STUM: variants seen among roughly 807,000 people sequenced by gnomAD.
The protein encoded by STUM is protein stum homolog.
Under a neutral mutation model 15.3 loss-of-function variants are expected in STUM, and 8 were observed. The ratio of observed to expected loss-of-function variants is 0.52; its 90% CI spans 0.31 to 0.94. The LOEUF (loss-of-function observed/expected upper bound fraction) is 0.94, where lower values mean the gene tolerates loss of function less well. Ranked by LOEUF, STUM falls within the 40% of genes least tolerant of loss-of-function variation. The pLI is 0.05. For missense variants in STUM, 142 were observed against 204.9 expected, an observed-to-expected ratio of 0.69 and a Z score of 1.87; for synonymous variants, 78 against 88.7, an observed-to-expected ratio of 0.88 and a Z score of 0.68.
chr1:226,574,527 G>A (rs1667771543), intron 1 of STUM, among the ~76,000 whole-genome samples: 1 of 152,196 alleles, frequency 6.6e-6, no homozygotes, highest in African/African-American at 2.4e-5. Flanking sequence ...ACTGTGACAG[G>A]GCAATGAGAC....
At chr1:226,597,309 C>G (rs751314135) in intron 2 of STUM, 7 of 525,978 alleles carry the variant, frequency 1.3e-5, no homozygotes, top group Non-Finnish European at 2.7e-5. Context: ...CTCAGTTACC[C>G]TTTCTAAAAT....
rs1323680609 is a variant in STUM, at chr1:226,600,140, A to G, written c.383-526A>G. Among the ~76,000 whole-genome samples the G allele has an allele frequency of 6.6e-6, 1 of 151,932 alleles. No homozygotes were observed. Among genetic ancestry groups the G allele is most frequent in the Non-Finnish European group, 1.5e-5 (1 of 67,978 alleles). On this transcript the variant is annotated intron_variant, in intron 2 of 3. Coordinates refer to ENST00000366788, the MANE Select transcript of STUM (RefSeq NM_001003665.4). The surrounding 1 kb of genome is among the most constrained non-coding windows in gnomAD (Gnocchi z 5.2). ...ATCTGGAGGAAGGCATGAGCTGAGG[A>G]TGAAAAAAAAAAGGCTAGGTGCTGT... is the stretch of plus-strand genomic sequence containing the variant.
In STUM at chr1:226,605,923, G is replaced by C. The variant is rs1310294188; in HGVS notation, c.*3883G>C. On this transcript the variant is annotated 3_prime_UTR_variant, in exon 4 of 4. Transcript: ENST00000366788. The surrounding 1 kb of genome is among the most constrained non-coding windows in gnomAD (Gnocchi z 4.0). ...CAAGTTGCCCGCTCTGCCAGCCAGG[G>C]GCTCCAGCCATGCTGGCACAGGCAT... is the stretch of plus-strand genomic sequence containing the variant. 2.0e-5 allele frequency: 3 copies of C among 152,228 alleles called. No individual in the cohort carries two copies. The highest frequency in any genetic ancestry group is 7.2e-5 in the African/African-American group (3 of 41,444). The allele number at this position is 152,228 out of a possible 1,614,324, so 9.4% of individuals were successfully genotyped here. A position where few individuals can be genotyped will look rare whatever the true frequency, so the allele number is the denominator to read the frequency against.
At chr1:226,578,284 C>T (rs1179051140) in intron 1 of STUM, among the ~76,000 whole-genome samples, 1 of 151,424 alleles carries the variant, frequency 6.6e-6, no homozygotes, top group African/African-American at 2.4e-5. Flanking sequence ...CTATGTTGCC[C>T]AGGCTGGTCT....
At chr1:226,553,690 G>T (rs973426766) in intron 1 of STUM, among the ~76,000 whole-genome samples, 1 of 152,220 alleles carries the variant, frequency 6.6e-6, no homozygotes, top group African/African-American at 2.4e-5. Flanking sequence ...ATGTAAGAAA[G>T]GCTCTAAGCG....
chr1:226,562,338 G>A (rs1667556096), intron 1 of STUM, among the ~76,000 whole-genome samples: 1 of 152,016 alleles, frequency 6.6e-6, no homozygotes. Context: ...GTGTGGTGGT[G>A]CATGCCTGTA....
At chr1:226,561,846 CA>C (rs1667546946) in intron 1 of STUM, among the ~76,000 whole-genome samples, 1 of 152,110 alleles carries the variant, frequency 6.6e-6, no homozygotes, top group Admixed American at 6.5e-5. Flanking sequence ...GTGCAGGAAC[CA>C]GATAGCATCT....
Position 226,600,660 on chromosome 1 carries a change from C to T in STUM, c.383-6C>T. 1 of 1,611,208 alleles carries T rather than the reference C, an allele frequency of 6.2e-7. No homozygotes were observed. The highest frequency in any genetic ancestry group is 8.5e-7 in the Non-Finnish European group (1 of 1,180,012). On this transcript the variant is annotated splice_polypyrimidine_tract_variant and splice_region_variant and intron_variant, in intron 2 of 3. Coordinates refer to ENST00000366788, the MANE Select transcript of STUM (RefSeq NM_001003665.4). This position sits in a 1 kb window ranked among gnomAD's most constrained non-coding sequence, Gnocchi z 5.2. ...TCCTGCTGCCTCCCACTCTGTGCTG[C>T]TGCAGTTTCCCAAGGTGAGTCTGCG...
chr1:226,556,387 C>T (rs1471896362), intron 1 of STUM, among the ~76,000 whole-genome samples: 2 of 152,186 alleles, frequency 1.3e-5, no homozygotes, highest in African/African-American at 2.4e-5. Flanking sequence ...AAGGCAGGCA[C>T]TAATGAATAC....
At chr1:226,597,148 G>A (rs1028956833) in intron 2 of STUM, among the ~76,000 whole-genome samples, 167 bp downstream of exon 2, 2 of 152,206 alleles carry the variant, frequency 1.3e-5, no homozygotes, top group African/African-American at 4.8e-5. Flanking sequence ...GCTTGGCACT[G>A]GGGACCCTCC....
At chr1:226,568,778 C>G (rs1173287085) in intron 1 of STUM, among the ~76,000 whole-genome samples, 2 of 152,282 alleles carry the variant, frequency 1.3e-5, no homozygotes, top group African/African-American at 4.8e-5. Flanking sequence ...AGCTTCGCCC[C>G]TGCGACGTTG....
chr1:226,553,141 A>G (rs1212010004), intron 1 of STUM, among the ~76,000 whole-genome samples: 1 of 152,234 alleles, frequency 6.6e-6, no homozygotes, highest in African/African-American at 2.4e-5. Flanking sequence ...GATTCAGGAA[A>G]CAGTGAATCC....
chr1:226,562,001 TG>T (rs980421976), intron 1 of STUM, among the ~76,000 whole-genome samples: 1 of 40,924 alleles, frequency 2.4e-5, no homozygotes, highest in African/African-American at 9.7e-5. Context: ...GTATGTCGGG[TG>T]GGGGGTGAGG....
At chr1:226,578,451 G>A (rs558525864) in intron 1 of STUM, among the ~76,000 whole-genome samples, 4 of 143,882 alleles carry the variant, frequency 2.8e-5, no homozygotes, top group African/African-American at 7.8e-5. Context: ...TTGCAGCCTC[G>A]ACTGTCTGGG....
rs1227679735 is a variant in STUM, at chr1:226,565,645, G to A, written c.202+16539G>A. Among the ~76,000 whole-genome samples the A allele has an allele frequency of 1.3e-5, 2 of 152,164 alleles. No individual in the cohort carries two copies. Among genetic ancestry groups the A allele is most frequent in the African/African-American group, 2.4e-5 (1 of 41,438 alleles). On this transcript the variant is annotated intron_variant, in intron 1 of 3. Coordinates refer to ENST00000366788, the MANE Select transcript of STUM (RefSeq NM_001003665.4). The surrounding 1 kb of genome is among the most constrained non-coding windows in gnomAD (Gnocchi z 4.4). ...AGATGCCTCAGCTGGGGGAGGGGTG[G>A]AGACTTGAGAAGGTGCTAGGCGTGA...
chr1:226,553,264 G>A (rs1305235681), intron 1 of STUM, among the ~76,000 whole-genome samples: 2 of 152,164 alleles, frequency 1.3e-5, no homozygotes, highest in Non-Finnish European at 2.9e-5. Flanking sequence ...TGACATGAGA[G>A]AAGGACATTC....
At chr1:226,563,407 C>T (rs1164122149) in intron 1 of STUM, among the ~76,000 whole-genome samples, 1 of 152,226 alleles carries the variant, frequency 6.6e-6, no homozygotes, top group African/African-American at 2.4e-5. Context: ...ACTATTAAAA[C>T]CCTAAGGGCA....
At position 226,602,139 on chromosome 1, in the gene STUM, T is replaced by G. The variant is rs1668278796; in HGVS notation, c.*99T>G. 4.6e-6 allele frequency: 4 copies of G among 861,822 alleles called. No homozygotes were observed. Among genetic ancestry groups the G allele is most frequent in the Middle Eastern group, 2.5e-4 (1 of 4,062 alleles). The allele number at this position is 861,822 out of a possible 1,614,324, so 53.4% of individuals were successfully genotyped here. On this transcript the variant is annotated 3_prime_UTR_variant, in exon 4 of 4. Transcript: ENST00000366788. ...CTTTACATGTTCTTTTCTGCCATTT[T>G]CTGGACTGGGGGTGGAAAGGGGGTA... is the stretch of plus-strand genomic sequence containing the variant.
Position 226,604,006 on chromosome 1 carries a change from C to G in STUM, c.*1966C>G, listed in dbSNP as rs1668314492. The G allele has an allele frequency of 6.6e-6, 1 of 152,414 alleles. No individual in the cohort carries two copies. Among genetic ancestry groups the G allele is most frequent in the Non-Finnish European group, 1.5e-5 (1 of 68,238 alleles). The allele number at this position is 152,414 out of a possible 1,614,324, so 9.4% of individuals were successfully genotyped here. A position where few individuals can be genotyped will look rare whatever the true frequency, so the allele number is the denominator to read the frequency against. Reference sequence around the variant, plus strand: ...AAGCTGCGTCAGAGTGGAGCTGCCCCTCTACTCAGATAAAATAGCTTCAGC... The same window carrying G: ...AAGCTGCGTCAGAGTGGAGCTGCCCGTCTACTCAGATAAAATAGCTTCAGC... On this transcript the variant is annotated 3_prime_UTR_variant, in exon 4 of 4. Coordinates refer to ENST00000366788, the MANE Select transcript of STUM (RefSeq NM_001003665.4). This position sits in a 1 kb window ranked among gnomAD's most constrained non-coding sequence, Gnocchi z 4.7.
Sources: gnomAD v4.1 joint callset for allele counts (sites outside exome capture counted in the v4.1 genomes callset) on GRCh38, gnomAD v4.1.1 for gene constraint, Gnocchi (gnomAD v3.1) non-coding constraint, MANE v1.5 for transcripts, NCBI Gene and HGNC (gene_info 2026-07-23, HGNC 2026-07-21) for gene names.